The following TMTC2 variants were observed in gnomAD, a reference collection of about 807,000 sequenced individuals.
TMTC2 encodes the protein transmembrane O-mannosyltransferase targeting cadherins 2, also known as protein O-mannosyl-transferase TMTC2.
Under a neutral mutation model 82.4 loss-of-function variants are expected in TMTC2, and 43 were observed. That is an observed-to-expected ratio of 0.52 (90% CI 0.41 to 0.67). The LOEUF (loss-of-function observed/expected upper bound fraction) is 0.67. Among genes scored for constraint, TMTC2 ranks in the 30% least tolerant of loss-of-function variants. The probability of loss-of-function intolerance (pLI) is 0.00; values close to 1 mark genes in which losing one functional copy is unlikely to be tolerated. For synonymous variants in TMTC2, 408 were observed against 381.9 expected (o/e 1.07, Z -0.80); for missense variants, 919 against 1,012.4 (o/e 0.91, Z 1.25).
At chr12:82,822,268 G>A (rs1449669511) in intron 1 of TMTC2, among the ~76,000 whole-genome samples, 1 of 152,228 alleles carries the variant, frequency 6.6e-6, no homozygotes, top group East Asian at 1.9e-4. Flanking sequence ...GGTACAACAC[G>A]AAGAATGAAC....
At chr12:82,777,504 G>A (rs1877660481) in intron 1 of TMTC2, among the ~76,000 whole-genome samples, 1 of 151,832 alleles carries the variant, frequency 6.6e-6, no homozygotes, top group South Asian at 2.1e-4. Context: ...GGTATTTTTT[G>A]GCCACCTTTA....
intron 4 of TMTC2, among the ~76,000 whole-genome samples, chr12:82,933,270 G>T (rs1876141848): frequency 6.6e-6 from 1 of 151,952 alleles, no homozygotes; most frequent in Non-Finnish European, 1.5e-5. Context: ...AAATTTTTCA[G>T]TCATTTTAAA....
At chr12:82,703,599 C>T (rs57227638) in intron 1 of TMTC2, among the ~76,000 whole-genome samples, 7,149 of 151,264 alleles carry the variant, frequency 0.047, 317 homozygotes, top group East Asian at 0.12. Context: ...CCCGGGTTCA[C>T]GCCATTCTCC....
chr12:82,748,858 C>G (rs1361101816), intron 1 of TMTC2, among the ~76,000 whole-genome samples: 1 of 152,266 alleles, frequency 6.6e-6, no homozygotes, highest in East Asian at 1.9e-4. Context: ...GCCTGGGCAA[C>G]AAGAGCAAAA....
At chr12:82,845,160 C>T (rs1331426490) in intron 1 of TMTC2, among the ~76,000 whole-genome samples, 3 of 129,618 alleles carry the variant, frequency 2.3e-5, no homozygotes, top group African/African-American at 8.9e-5. Context: ...ACCTGGGAGA[C>T]AGAGGTTGCA....
intron 4 of TMTC2, among the ~76,000 whole-genome samples, chr12:82,940,021 T>TC (rs1469106285): frequency 7.0e-6 from 1 of 142,266 alleles, no homozygotes; most frequent in Non-Finnish European, 1.5e-5. Context: ...TTACTTTTTT[T>TC]TTTTTTTTTT....
chr12:82,791,355 C>T (rs1412894378), intron 1 of TMTC2, among the ~76,000 whole-genome samples: 1 of 151,854 alleles, frequency 6.6e-6, no homozygotes, highest in African/African-American at 2.4e-5. Context: ...TCTCTGCTAC[C>T]AGTCCTAAAT....
chr12:82,847,398 A>G (rs959717605), intron 1 of TMTC2, among the ~76,000 whole-genome samples: 1 of 152,150 alleles, frequency 6.6e-6, no homozygotes, highest in Non-Finnish European at 1.5e-5. Context: ...AGTACCAATC[A>G]TCTCTAATTA....
intron 1 of TMTC2, among the ~76,000 whole-genome samples, chr12:82,716,885 C>T (rs945314862): frequency 6.6e-6 from 1 of 152,136 alleles, no homozygotes; most frequent in Non-Finnish European, 1.5e-5. Context: ...CATATAAGTA[C>T]TGTATTGCTC....
intron 1 of TMTC2, among the ~76,000 whole-genome samples, chr12:82,724,720 A>G (rs1874368763): frequency 6.6e-6 from 1 of 152,218 alleles, no homozygotes; most frequent in Non-Finnish European, 1.5e-5. Context: ...TTTATTTTCC[A>G]TCATTCCGTC....
rs543022056 is a variant in TMTC2 at position 82,860,689 on chromosome 12, G to A, written c.654+3109G>A. Among the ~76,000 whole-genome samples the A allele has an allele frequency of 1.6e-3, 237 of 152,288 alleles. 1 individual carries two copies. The highest frequency in any genetic ancestry group is 5.5e-3 in the African/African-American group (229 of 41,558). Reference sequence around the variant, plus strand: ...TAGTTGAAGTGAAAGAAGAAATGTCGATGGAAATTTTGATTCTTTATCTTT... The same window carrying A: ...TAGTTGAAGTGAAAGAAGAAATGTCAATGGAAATTTTGATTCTTTATCTTT... On this transcript the variant is annotated intron_variant, in intron 2 of 11. Transcript: ENST00000321196.
chr12:82,948,811 A>T (rs1877180565), intron 4 of TMTC2, among the ~76,000 whole-genome samples: 1 of 151,668 alleles, frequency 6.6e-6, no homozygotes, highest in African/African-American at 2.4e-5. Flanking sequence ...TCTTTTTGTA[A>T]TTTTTTTGAG....
intron 8 of TMTC2, among the ~76,000 whole-genome samples, chr12:82,987,750 A>G (rs747468903): frequency 1.3e-5 from 2 of 152,070 alleles, no homozygotes; most frequent in Non-Finnish European, 2.9e-5. Flanking sequence ...GAAGAGCAGG[A>G]ATTAAATGCC....
intron 8 of TMTC2, among the ~76,000 whole-genome samples, chr12:82,999,325 A>T (rs1879811197): frequency 6.6e-6 from 1 of 152,206 alleles, no homozygotes; most frequent in African/African-American, 2.4e-5. Flanking sequence ...GAGGAAAACC[A>T]CCAGAGGTAA....
At chr12:83,088,089 GTACCAGCACTAGTAGCCTCA>G (rs1883722781) in intron 11 of TMTC2, among the ~76,000 whole-genome samples, 2 of 152,206 alleles carry the variant, frequency 1.3e-5, no homozygotes, top group African/African-American at 4.8e-5. Flanking sequence ...TGCAGCTTCT[GTACCAGCACTAGTAGCCTCA>G]CCTGGCATTT....
At chr12:82,823,935 C>T (rs1273430597) in intron 1 of TMTC2, among the ~76,000 whole-genome samples, 1 of 151,052 alleles carries the variant, frequency 6.6e-6, no homozygotes, top group Admixed American at 6.6e-5. Flanking sequence ...GCTCTATCAC[C>T]CATGCTAGAG....
chr12:83,046,350 C>T (rs1882126565), intron 9 of TMTC2, among the ~76,000 whole-genome samples: 1 of 152,184 alleles, frequency 6.6e-6, no homozygotes, highest in South Asian at 2.1e-4. Flanking sequence ...ATCAGCATCA[C>T]CAGGGAACTT....
At chr12:83,021,458 A>G (rs992916965) in intron 8 of TMTC2, among the ~76,000 whole-genome samples, 2 of 152,246 alleles carry the variant, frequency 1.3e-5, no homozygotes, top group Non-Finnish European at 2.9e-5. Flanking sequence ...AGATGGGCAT[A>G]GTGGTGTGCA....
At chr12:83,079,369 T>C (rs1209617304) in intron 11 of TMTC2, among the ~76,000 whole-genome samples, 1 of 152,180 alleles carries the variant, frequency 6.6e-6, no homozygotes, top group Non-Finnish European at 1.5e-5. Context: ...TCTCCCAATA[T>C]AAGAATTTAG....
Sources: gnomAD v4.1 joint callset for allele counts (sites outside exome capture counted in the v4.1 genomes callset) on GRCh38, gnomAD v4.1.1 for gene constraint, MANE v1.5 for transcripts, NCBI Gene and HGNC (gene_info 2026-07-23, HGNC 2026-07-21) for gene names.